Variants in WDR27 observed in about 807,000 individuals in gnomAD.
WDR27 encodes WD repeat-containing protein 27.
Under a neutral mutation model 114.4 loss-of-function variants are expected in WDR27, and 100 were observed. That is an observed-to-expected ratio of 0.87 (90% CI 0.74 to 1.03). The LOEUF is 1.03. Among genes scored for constraint, WDR27 ranks in the 50% least tolerant of loss-of-function variants. The probability of loss-of-function intolerance (pLI) is 0.00; values close to 1 mark genes in which losing one functional copy is unlikely to be tolerated. For missense variants in WDR27, 1,129 were observed against 1,092.9 expected, an observed-to-expected ratio of 1.03 and a Z score of -0.47; for synonymous variants, 449 against 423.1, an observed-to-expected ratio of 1.06 and a Z score of -0.75.
chr6:169,685,672 A>G (rs1782732321), intron 2 of WDR27, among the ~76,000 whole-genome samples: 1 of 152,148 alleles, frequency 6.6e-6, no homozygotes, highest in Non-Finnish European at 1.5e-5. Flanking sequence ...ACCAGCAGAC[A>G]AAAAAAGAAT....
intron 21 of WDR27, among the ~76,000 whole-genome samples, chr6:169,626,331 T>C (rs925747388): frequency 6.6e-6 from 1 of 152,126 alleles, no homozygotes; most frequent in Non-Finnish European, 1.5e-5. Flanking sequence ...TGTGCTGTAG[T>C]GAGCAGGGTG....
At chr6:169,605,718 G>T (rs1809022348) in intron 22 of WDR27, among the ~76,000 whole-genome samples, 1 of 151,848 alleles carries the variant, frequency 6.6e-6, no homozygotes, top group Admixed American at 6.6e-5. Context: ...TATACTACAA[G>T]GTTATAGTAA....
intron 23 of WDR27, among the ~76,000 whole-genome samples, chr6:169,598,573 T>C (rs948812740): frequency 7.9e-5 from 12 of 152,226 alleles, no homozygotes; most frequent in African/African-American, 2.9e-4. Flanking sequence ...ACATGAGTTC[T>C]GGAGGAGACA....
At chr6:169,560,574 G>T (rs573455422) in intron 25 of WDR27, among the ~76,000 whole-genome samples, 31 of 152,310 alleles carry the variant, frequency 2.0e-4, no homozygotes, top group African/African-American at 7.5e-4. Flanking sequence ...AAGGGCCAGG[G>T]CCTTGTGGCT....
chr6:169,659,489 C>T lies in WDR27; in HGVS notation c.1159G>A (p.Gly387Arg), dbSNP rs780559220. 7.0e-5 allele frequency: 112 copies of T among 1,610,274 alleles called. No homozygotes were observed. Among genetic ancestry groups the T allele is most frequent in the Admixed American group, 3.5e-4 (21 of 59,476 alleles). ...DFQSLSILLA[G>R]SCALRNRTAD... ...GTGCGGTTCCTCAGGGCACACGATC[C>T]GGCCAGCAGGATGCTGAGGCTCTGG... is the stretch of plus-strand genomic sequence containing the variant. The change falls in exon 11 of 26, where the codon GGA (glycine) becomes AGA (arginine). Residue 387 changes from glycine to arginine, a missense_variant. By Grantham distance (125) the Gly-to-Arg change is moderately radical. Coordinates refer to ENST00000448612, the MANE Select transcript of WDR27 (RefSeq NM_182552.5). The surrounding 1 kb of genome is among the most constrained non-coding windows in gnomAD (Gnocchi z 4.3).
intron 25 of WDR27, among the ~76,000 whole-genome samples, chr6:169,499,216 A>C (rs562696689): frequency 6.6e-6 from 1 of 152,330 alleles, no homozygotes; most frequent in African/African-American, 2.4e-5. Context: ...CTCCTTTGCA[A>C]GGTGAAGTAT....
At chr6:169,660,873 G>GCA (rs1825895053) in intron 9 of WDR27, 107 bp from the exon 10 acceptor site, 1 of 924,798 alleles carries the variant, frequency 1.1e-6, no homozygotes, top group Non-Finnish European at 1.6e-6. Context: ...GGAGTGGGGA[G>GCA]TGTGGGCGTT....
chr6:169,672,148 G>A (rs1274282199), intron 3 of WDR27, 107 bp downstream of exon 3: 6 of 1,162,502 alleles, frequency 5.2e-6, no homozygotes, highest in Non-Finnish European at 7.2e-6. Context: ...CCCCCCGAGG[G>A]ACTGCTGTTA....
intron 25 of WDR27, among the ~76,000 whole-genome samples, chr6:169,566,437 C>T (rs1304536498): frequency 1.3e-5 from 2 of 152,106 alleles, no homozygotes; most frequent in Admixed American, 6.5e-5. Context: ...GCCACTGTCC[C>T]GGGGGCCTCG....
At chr6:169,662,705 A>T (rs934852606) in intron 8 of WDR27, among the ~76,000 whole-genome samples, 21 of 143,256 alleles carry the variant, frequency 1.5e-4, no homozygotes, top group African/African-American at 5.6e-4. Context: ...CTAGGGTAAC[A>T]CCCAGCATGA....
chr6:169,490,551 A>C (rs985355300), intron 25 of WDR27, among the ~76,000 whole-genome samples: 2 of 152,194 alleles, frequency 1.3e-5, no homozygotes, highest in East Asian at 3.9e-4. Flanking sequence ...CCAAGGTCCG[A>C]TATCAGTTGC....
chr6:169,676,816 G>A (rs900320016), intron 2 of WDR27, among the ~76,000 whole-genome samples: 2 of 152,122 alleles, frequency 1.3e-5, no homozygotes, highest in African/African-American at 4.8e-5. Context: ...CTGGACCTAA[G>A]CAATGTACAT....
At chr6:169,490,536 A>C (rs1360160534) in intron 25 of WDR27, among the ~76,000 whole-genome samples, 1 of 152,142 alleles carries the variant, frequency 6.6e-6, no homozygotes, top group African/African-American at 2.4e-5. Flanking sequence ...GGACCCACAA[A>C]CCTGCCAAGG....
At chr6:169,623,031 G>C (rs1813750759) in intron 21 of WDR27, among the ~76,000 whole-genome samples, 1 of 152,160 alleles carries the variant, frequency 6.6e-6, no homozygotes, top group African/African-American at 2.4e-5. Context: ...GTAGCTGGAG[G>C]CTACAAGATT....
intron 25 of WDR27, among the ~76,000 whole-genome samples, chr6:169,554,621 T>G (rs1798621493): frequency 6.6e-6 from 1 of 152,234 alleles, no homozygotes; most frequent in South Asian, 2.1e-4. Context: ...GCAAACACTG[T>G]TCCCGTGTGG....
intron 25 of WDR27, among the ~76,000 whole-genome samples, chr6:169,480,825 G>C (rs926676664): frequency 2.0e-4 from 30 of 151,246 alleles, no homozygotes; most frequent in Admixed American, 2.0e-4. Context: ...TCTAGCTCAA[G>C]GTTTGTAAAT....
At chr6:169,604,882 T>A (rs1243393305) in intron 22 of WDR27, among the ~76,000 whole-genome samples, 1 of 151,596 alleles carries the variant, frequency 6.6e-6, no homozygotes, top group African/African-American at 2.4e-5. Context: ...AAAAAAGCAC[T>A]TAATAAAATT....
chr6:169,592,931 TG>T (rs1215164747), intron 23 of WDR27, among the ~76,000 whole-genome samples: 5 of 152,226 alleles, frequency 3.3e-5, no homozygotes, highest in Admixed American at 6.5e-5. Context: ...GTCCTCTTTT[TG>T]TATCAGTTAA....
intron 13 of WDR27, among the ~76,000 whole-genome samples, chr6:169,654,144 A>G (rs1823373450): frequency 6.6e-6 from 1 of 152,272 alleles, no homozygotes; most frequent in Non-Finnish European, 1.5e-5. Context: ...ACTCCTCAAT[A>G]AAATATTAGC....
Sources: allele counts gnomAD v4.1 joint callset (sites outside exome capture counted in the v4.1 genomes callset), GRCh38; gene constraint gnomAD v4.1.1; non-coding constraint Gnocchi (gnomAD v3.1); transcripts MANE v1.5; gene names NCBI Gene and HGNC (gene_info 2026-07-23, HGNC 2026-07-21).